Variants in ZMYM2 observed in about 807,000 individuals in gnomAD.
The protein encoded by ZMYM2 is zinc finger MYM-type protein 2.
ZMYM2 carries 56 observed loss-of-function variants against 162.8 expected under a neutral mutation model. That is an observed-to-expected ratio of 0.34 (90% CI 0.28 to 0.43). ZMYM2 has a LOEUF of 0.43. ZMYM2 is among the 20% of genes least tolerant of loss of function. ZMYM2 has a pLI of 1.00. For missense variants in ZMYM2, 1,275 were observed against 1,621.8 expected, an observed-to-expected ratio of 0.79 and a Z score of 3.67; for synonymous variants, 510 against 541.6, an observed-to-expected ratio of 0.94 and a Z score of 0.81.
intron 12 of ZMYM2, among the ~76,000 whole-genome samples, chr13:20,043,126 C>A (rs553816566): frequency 1.3e-5 from 2 of 152,058 alleles, no homozygotes; most frequent in African/African-American, 4.8e-5. Flanking sequence ...TTTAAGGGAC[C>A]GGTGCTAAGT....
chr13:19,870,571 C>CT, the ZMYM2 span, among the ~76,000 whole-genome samples: 1 of 138,810 alleles, frequency 7.2e-6, no homozygotes, highest in Non-Finnish European at 1.5e-5. Context: ...TCCTTCCTTC[C>CT]TTCTTTCCTT....
chr13:19,911,539 A>G, the ZMYM2 span, among the ~76,000 whole-genome samples: 1 of 152,164 alleles, frequency 6.6e-6, no homozygotes, highest in Non-Finnish European at 1.5e-5. Flanking sequence ...ATTGGGGAAA[A>G]GGAAATAATC....
At position 19,987,111 on chromosome 13, in the gene ZMYM2, C is replaced by CAAAAA. The variant is rs58588019; in HGVS notation, c.-10-5927_-10-5923dup. 7.1e-4 allele frequency among the ~76,000 whole-genome samples: 29 copies of CAAAAA among 40,956 alleles called. 2 individuals carry two copies. Among genetic ancestry groups the CAAAAA allele is most frequent in the Non-Finnish European group, 9.1e-4 (17 of 18,750 alleles). The allele number at this position is 40,956 out of a possible 152,430, so 26.9% of individuals were successfully genotyped here. On this transcript the variant is annotated intron_variant, in intron 2 of 24. Transcript: ENST00000610343. ...TGGGCAAGAGAGCAAGGCTCCGTCT[C>CAAAAA]AAAAAAAAAAAAAAAAAAAAAAAAA...
chr13:20,056,202 A>C (rs1042052807), intron 14 of ZMYM2, among the ~76,000 whole-genome samples: 2 of 152,234 alleles, frequency 1.3e-5, no homozygotes, highest in African/African-American at 4.8e-5. Flanking sequence ...GAGCACTTGC[A>C]GGGGAAAACC....
chr13:19,905,225 C>G, the ZMYM2 span, among the ~76,000 whole-genome samples: 12 of 152,060 alleles, frequency 7.9e-5, no homozygotes, highest in Admixed American at 6.6e-4. Context: ...GTTGCTGAGG[C>G]TGGTCTGGAA....
At chr13:20,027,363 C>T (rs752933142) in intron 9 of ZMYM2, 45 bp downstream of exon 9, 1 of 1,395,566 alleles carries the variant, frequency 7.2e-7, no homozygotes, top group South Asian at 1.3e-5. Flanking sequence ...ATAAAATACA[C>T]ATAGAAAATA....
intron 21 of ZMYM2, among the ~76,000 whole-genome samples, chr13:20,072,942 T>G (rs556470614): frequency 6.6e-6 from 1 of 151,990 alleles, no homozygotes; most frequent in East Asian, 1.9e-4. Context: ...AAAGTCTCAC[T>G]TTGTCGCACA....
intron 11 of ZMYM2, 103 bp downstream of exon 11, chr13:20,034,507 C>G (rs1953500619): frequency 8.6e-7 from 1 of 1,161,406 alleles, no homozygotes; most frequent in Non-Finnish European, 1.1e-6. Context: ...TGTAGCTGAA[C>G]AAAAAAAATT....
chr13:20,000,327 A>G (rs1170874066), intron 3 of ZMYM2, among the ~76,000 whole-genome samples: 1 of 152,244 alleles, frequency 6.6e-6, no homozygotes, highest in African/African-American at 2.4e-5. Flanking sequence ...TAAACGTGCA[A>G]GGTGAAGCTG....
At chr13:19,934,438 A>G in the ZMYM2 span, among the ~76,000 whole-genome samples, 142,593 of 152,220 alleles carry the variant, frequency 0.94, 67,471 homozygotes, top group Middle Eastern at 1. Context: ...GATTGCAAGC[A>G]TGAGCCACCA....
intron 12 of ZMYM2, among the ~76,000 whole-genome samples, chr13:20,041,209 T>G (rs1338628985): frequency 6.6e-6 from 1 of 152,228 alleles, no homozygotes; most frequent in Non-Finnish European, 1.5e-5. Flanking sequence ...TCTTTGTACA[T>G]CTCTAAGAAC....
At chr13:19,992,634 G>A (rs1192975711) in intron 2 of ZMYM2, among the ~76,000 whole-genome samples, 1 of 151,996 alleles carries the variant, frequency 6.6e-6, no homozygotes, top group Non-Finnish European at 1.5e-5. Context: ...GTGAATAAAT[G>A]GGATAAGTGT....
chr13:19,980,740 G>A (rs1302285940), intron 2 of ZMYM2, among the ~76,000 whole-genome samples: 7 of 116,720 alleles, frequency 6.0e-5, no homozygotes, highest in Non-Finnish European at 1.1e-4. Flanking sequence ...GTGACAGAGC[G>A]AGACTCCATC....
intron 3 of ZMYM2, among the ~76,000 whole-genome samples, chr13:19,999,237 G>C (rs1444048030): frequency 6.6e-6 from 1 of 152,178 alleles, no homozygotes; most frequent in African/African-American, 2.4e-5. Flanking sequence ...GCACTTCACA[G>C]ATAATTGCAT....
Position 20,076,849 on chromosome 13 carries a change from T to C in ZMYM2, c.3454-5167T>C, listed in dbSNP as rs185037975. Among the ~76,000 whole-genome samples, 129 of 150,458 alleles carry C rather than the reference T, an allele frequency of 8.6e-4. 10 individuals are homozygous for C. The highest frequency in any genetic ancestry group is 2.6e-3 in the Admixed American group (40 of 15,256). On this transcript the variant is annotated intron_variant, in intron 21 of 24. Coordinates refer to ENST00000610343, the MANE Select transcript of ZMYM2 (RefSeq NM_197968.4). Reference sequence around the variant, plus strand: ...GATTTATTTTTTATTTTATTTTATTTTTTTTGAGACGGAGTTTCACTCTGT... The same window carrying C: ...GATTTATTTTTTATTTTATTTTATTCTTTTTGAGACGGAGTTTCACTCTGT...
At chr13:19,956,946 C>A (rs1445173015), upstream of ZMYM2, among the ~76,000 whole-genome samples, 1 of 152,100 alleles carries the variant, frequency 6.6e-6, no homozygotes, top group Non-Finnish European at 1.5e-5. Flanking sequence ...GTTTTTCAGT[C>A]TAAACCAGTA....
At chr13:20,027,048 A>G (rs1305848188) in intron 8 of ZMYM2, among the ~76,000 whole-genome samples, 155 bp from the exon 9 acceptor site, 2 of 152,160 alleles carry the variant, frequency 1.3e-5, no homozygotes, top group Non-Finnish European at 2.9e-5. Flanking sequence ...GTCCGTTATG[A>G]CAATATTTTA....
intron 12 of ZMYM2, among the ~76,000 whole-genome samples, chr13:20,039,173 T>A (rs1954004818): frequency 6.6e-6 from 1 of 152,208 alleles, no homozygotes; most frequent in Non-Finnish European, 1.5e-5. Flanking sequence ...ACTTTTGGGC[T>A]GAGCCTATGG....
chr13:20,051,746 T>C lies in ZMYM2; in HGVS notation c.2458+148T>C, dbSNP rs1018594098. On this transcript the variant is annotated intron_variant, in intron 13 of 24. Transcript: ENST00000610343. ...GTAGATTCTCTGGGTCGAAGTACCC[T>C]TGTATGTTGTTTTTATAAATGTATT... 6 of 747,890 alleles carry C rather than the reference T, an allele frequency of 8.0e-6. No homozygotes were observed. The African/African-American group carries it at 9.0e-5, about 11-fold the overall frequency. 46.3% of individuals were successfully genotyped at this position (747,890 alleles called of 1,614,324 possible). A position where few individuals can be genotyped will look rare whatever the true frequency, so the allele number is the denominator to read the frequency against.
Sources: allele counts gnomAD v4.1 joint callset (sites outside exome capture counted in the v4.1 genomes callset), GRCh38; gene constraint gnomAD v4.1.1; transcripts MANE v1.5; gene names NCBI Gene and HGNC (gene_info 2026-07-23, HGNC 2026-07-21).